The following SORCS3 variants were observed in gnomAD, a reference collection of about 807,000 sequenced individuals.
The protein encoded by SORCS3 is sortilin related VPS10 domain containing receptor 3.
In SORCS3, 57 loss-of-function variants were observed where a neutral mutation model predicts 146.3. That is an observed-to-expected ratio of 0.39 (90% CI 0.31 to 0.49). SORCS3 has a LOEUF of 0.49. SORCS3 is among the 20% of genes least tolerant of loss of function. The pLI is 0.92. For missense variants in SORCS3, 1,341 were observed against 1,575.5 expected (o/e 0.85, Z 2.52); for synonymous variants, 653 against 618.5 (o/e 1.06, Z -0.83).
At chr10:105,258,019 G>A (rs2119767550) in intron 25 of SORCS3, among the ~76,000 whole-genome samples, 1 of 152,186 alleles carries the variant, frequency 6.6e-6, no homozygotes, top group South Asian at 2.1e-4. Context: ...TTTAGGTTTT[G>A]GTAGAGATCA....
At chr10:105,097,033 G>T (rs1045829566) in intron 6 of SORCS3, among the ~76,000 whole-genome samples, 2 of 151,982 alleles carry the variant, frequency 1.3e-5, no homozygotes, top group Admixed American at 1.3e-4. Context: ...ATACTGGATG[G>T]TGCTGCTCTA....
chr10:104,726,338 G>A (rs970787048), intron 1 of SORCS3, among the ~76,000 whole-genome samples: 3 of 152,148 alleles, frequency 2.0e-5, no homozygotes, highest in Admixed American at 6.5e-5. Context: ...TCCTATGAGG[G>A]CACTTGTTTG....
chr10:104,764,043 G>C (rs1361039327), intron 1 of SORCS3, among the ~76,000 whole-genome samples: 1 of 150,316 alleles, frequency 6.7e-6, no homozygotes, highest in Admixed American at 6.7e-5. Context: ...GAAGGTACTG[G>C]TAATTCATTA....
intron 4 of SORCS3, among the ~76,000 whole-genome samples, chr10:104,995,186 G>A (rs186294876): frequency 5.1e-5 from 7 of 137,688 alleles, no homozygotes; most frequent in African/African-American, 1.1e-4. Context: ...TTGGGATGGA[G>A]TCTTGCTCTG....
chr10:104,895,475 G>C (rs990633851), intron 2 of SORCS3, among the ~76,000 whole-genome samples: 1 of 152,126 alleles, frequency 6.6e-6, no homozygotes, highest in African/African-American at 2.4e-5. Flanking sequence ...AGAGACTTGC[G>C]TGCACTTTGC....
chr10:104,715,835 C>T (rs182146899), intron 1 of SORCS3, among the ~76,000 whole-genome samples: 344 of 152,340 alleles, frequency 2.3e-3, no homozygotes, highest in Non-Finnish European at 3.8e-3. Flanking sequence ...TCCCTGATTT[C>T]AGCCTTCTTG....
chr10:105,046,855 C>T (rs980429973), intron 5 of SORCS3, among the ~76,000 whole-genome samples: 5 of 152,008 alleles, frequency 3.3e-5, no homozygotes, highest in Admixed American at 6.6e-5. Context: ...TACCTGGTCA[C>T]CAGGTAATCA....
At chr10:104,963,753 A>G (rs1219232979) in intron 3 of SORCS3, among the ~76,000 whole-genome samples, 1 of 152,132 alleles carries the variant, frequency 6.6e-6, no homozygotes, top group Middle Eastern at 3.2e-3. Context: ...CTTTATTTTT[A>G]AAGCCCTGAA....
chr10:104,858,570 G>A (rs2018360796), intron 2 of SORCS3, among the ~76,000 whole-genome samples: 1 of 151,738 alleles, frequency 6.6e-6, no homozygotes, highest in African/African-American at 2.4e-5. Flanking sequence ...GACTTCCAGG[G>A]GATGAATTTT....
intron 26 of SORCS3, 25 bp downstream of exon 26, chr10:105,262,516 T>A (rs754010535): frequency 6.2e-7 from 1 of 1,605,044 alleles, no homozygotes; most frequent in Non-Finnish European, 8.5e-7. Flanking sequence ...TCCACTAAGC[T>A]CCCCTGTTCT....
chr10:104,816,615 A>G (rs2017800520), intron 1 of SORCS3, among the ~76,000 whole-genome samples: 2 of 152,150 alleles, frequency 1.3e-5, no homozygotes, highest in African/African-American at 4.8e-5. Context: ...AGCTATTCCC[A>G]TGGAGCCAGT....
chr10:104,977,730 C>CTTT (rs796233007), intron 4 of SORCS3, among the ~76,000 whole-genome samples: 17 of 122,898 alleles, frequency 1.4e-4, no homozygotes, highest in Middle Eastern at 4.5e-3. Context: ...CTTTTCTTTT[C>CTTT]TTTTTTTTTT....
intron 12 of SORCS3, among the ~76,000 whole-genome samples, chr10:105,165,482 C>T (rs1177323322): frequency 6.6e-6 from 1 of 152,084 alleles, no homozygotes; most frequent in Admixed American, 6.6e-5. Context: ...TCCCCATTGC[C>T]TCCAGTGTCA....
chr10:104,741,357 G>T (rs1169454086), intron 1 of SORCS3, among the ~76,000 whole-genome samples: 4 of 151,980 alleles, frequency 2.6e-5, no homozygotes, highest in African/African-American at 9.7e-5. Context: ...TGTGGTCCTG[G>T]CAGGCGTATC....
chr10:105,076,869 C>T (rs111373382), intron 5 of SORCS3, among the ~76,000 whole-genome samples: 2 of 152,258 alleles, frequency 1.3e-5, no homozygotes, highest in African/African-American at 2.4e-5. Flanking sequence ...GGTAAATTTT[C>T]GTGGATTTTC....
At chr10:105,134,532 A>C (rs1398713223) in intron 7 of SORCS3, among the ~76,000 whole-genome samples, 1 of 148,884 alleles carries the variant, frequency 6.7e-6, no homozygotes, top group Non-Finnish European at 1.5e-5. Context: ...TTTACATGGC[A>C]GAAGGATAGA....
At chr10:104,964,013 A>G (rs1589568827) in intron 3 of SORCS3, among the ~76,000 whole-genome samples, 3 of 152,086 alleles carry the variant, frequency 2.0e-5, no homozygotes. Context: ...TCAGTGCTCC[A>G]GCTTGGTGCA....
At chr10:104,672,509 A>C (rs2015866971) in intron 1 of SORCS3, among the ~76,000 whole-genome samples, 3 of 151,200 alleles carry the variant, frequency 2.0e-5, no homozygotes, top group Admixed American at 2.0e-4. Flanking sequence ...CTTTGGGTTT[A>C]GTTTTCTTCT....
chr10:105,010,326 C>T (rs1025964863), intron 4 of SORCS3, among the ~76,000 whole-genome samples: 1 of 152,194 alleles, frequency 6.6e-6, no homozygotes, highest in Non-Finnish European at 1.5e-5. Flanking sequence ...GGATGTTCTT[C>T]TGGTTCTATG....
Sources: gnomAD v4.1 joint callset for allele counts (sites outside exome capture counted in the v4.1 genomes callset) on GRCh38, gnomAD v4.1.1 for gene constraint, MANE v1.5 for transcripts, NCBI Gene and HGNC (gene_info 2026-07-23, HGNC 2026-07-21) for gene names.